The following LRRC4C variants were observed in gnomAD, a reference collection of about 807,000 sequenced individuals.
LRRC4C encodes the protein leucine rich repeat containing 4C.
A neutral mutation model predicts 33.6 loss-of-function variants in LRRC4C; 5 were observed. That is an observed-to-expected ratio of 0.15 (90% CI 0.08 to 0.31). The LOEUF (loss-of-function observed/expected upper bound fraction) is 0.31. LRRC4C is among the 10% of genes least tolerant of loss of function. The probability of loss-of-function intolerance (pLI) is 1.00; values close to 1 mark genes in which losing one functional copy is unlikely to be tolerated. For synonymous variants in LRRC4C, 329 were observed against 302.0 expected (o/e 1.09, Z -0.93); for missense variants, 560 against 796.7 (o/e 0.70, Z 3.58).
At chr11:40,178,301 A>G (rs1860687467) in intron 5 of LRRC4C, among the ~76,000 whole-genome samples, 1 of 152,204 alleles carries the variant, frequency 6.6e-6, no homozygotes, top group Non-Finnish European at 1.5e-5. Flanking sequence ...CTGGGTATTT[A>G]TAGAAGGTAA....
chr11:40,308,200 C>G (rs75257212), intron 4 of LRRC4C, among the ~76,000 whole-genome samples: 1,677 of 152,238 alleles, frequency 0.011, 36 homozygotes, highest in African/African-American at 0.037. Context: ...CTTTCTCCCC[C>G]ACCACACATA....
intron 1 of LRRC4C, among the ~76,000 whole-genome samples, chr11:41,097,632 C>T (rs181619689): frequency 1.2e-3 from 181 of 152,232 alleles, no homozygotes; most frequent in South Asian, 8.3e-4. Flanking sequence ...TTCATCTACC[C>T]TATTGTAAGA....
intron 1 of LRRC4C, among the ~76,000 whole-genome samples, chr11:41,135,764 C>A (rs1399329592): frequency 6.6e-6 from 1 of 152,160 alleles, no homozygotes; most frequent in Non-Finnish European, 1.5e-5. Flanking sequence ...CTTATAATTA[C>A]TGTGTAATGG....
intron 1 of LRRC4C, among the ~76,000 whole-genome samples, chr11:41,011,765 T>G (rs2137538007): frequency 6.7e-6 from 1 of 148,998 alleles, no homozygotes; most frequent in Non-Finnish European, 1.5e-5. Context: ...TGTGGGTCAT[T>G]AATTCCTGAA....
chr11:41,131,336 A>G (rs1943002508), intron 1 of LRRC4C, among the ~76,000 whole-genome samples: 2 of 152,024 alleles, frequency 1.3e-5, no homozygotes, highest in African/African-American at 4.8e-5. Context: ...ATGTACAACT[A>G]CTTTAAACAT....
intron 1 of LRRC4C, among the ~76,000 whole-genome samples, chr11:41,311,191 AT>A (rs779942867): frequency 4.0e-5 from 6 of 151,604 alleles, no homozygotes; most frequent in Middle Eastern, 3.4e-3. Context: ...TTAGAACCAC[AT>A]TTTTTTTTAT....
chr11:40,343,395 C>T, intron 3 of LRRC4C, among the ~76,000 whole-genome samples: 1 of 151,752 alleles, frequency 6.6e-6, no homozygotes. Context: ...GGTAAATATG[C>T]AGGATTGTTT....
intron 1 of LRRC4C, 58 bp downstream of exon 1, chr11:41,459,373 G>A (rs1956267485): frequency 1.3e-5 from 2 of 152,030 alleles, no homozygotes; most frequent in South Asian, 4.2e-4. Flanking sequence ...AAACAAGCAG[G>A]AAAACACAAA....
At chr11:41,174,288 T>C (rs923562545) in intron 1 of LRRC4C, among the ~76,000 whole-genome samples, 2 of 152,056 alleles carry the variant, frequency 1.3e-5, no homozygotes, top group Non-Finnish European at 2.9e-5. Context: ...AGAGAACAGT[T>C]TATCTCTAGC....
At chr11:40,592,081 G>A (rs192667736) in intron 3 of LRRC4C, among the ~76,000 whole-genome samples, 92 of 152,270 alleles carry the variant, frequency 6.0e-4, no homozygotes, top group Non-Finnish European at 1.1e-3. Flanking sequence ...GCTTTTTAAC[G>A]ATATGCAGCA....
chr11:40,661,827 T>C (rs1304377102), intron 2 of LRRC4C, among the ~76,000 whole-genome samples: 7 of 152,214 alleles, frequency 4.6e-5, no homozygotes, highest in Admixed American at 4.6e-4. Context: ...TTCTTTATAG[T>C]CTATGTGTCA....
At chr11:41,414,980 C>A (rs1954623639) in intron 1 of LRRC4C, among the ~76,000 whole-genome samples, 1 of 152,096 alleles carries the variant, frequency 6.6e-6, no homozygotes, top group Non-Finnish European at 1.5e-5. Context: ...CTCTTCAAAG[C>A]ACTTTACAAA....
intron 1 of LRRC4C, among the ~76,000 whole-genome samples, chr11:41,358,355 G>T (rs1952234599): frequency 2.6e-5 from 4 of 152,010 alleles, no homozygotes; most frequent in Admixed American, 2.6e-4. Flanking sequence ...TGAATATTTA[G>T]ATATGACACT....
chr11:40,852,405 T>A (rs1257653204), intron 2 of LRRC4C, among the ~76,000 whole-genome samples: 1 of 152,130 alleles, frequency 6.6e-6, no homozygotes, highest in East Asian at 1.9e-4. Context: ...GATAAGACTT[T>A]ATAATTTTTC....
rs374678317 is a variant in LRRC4C at position 40,255,516 on chromosome 11, C to G, written c.-175-13918G>C. On this transcript the variant is annotated intron_variant, in intron 4 of 6. Coordinates refer to ENST00000528697, the MANE Select transcript of LRRC4C (RefSeq NM_001258419.2). The stretch of plus-strand genomic sequence containing the variant: ...ACTTTATTTATAATTTCTGAGAGAG[C>G]TATTTTTAGAAAATTTTACAGAGTA... Among the ~76,000 whole-genome samples the G allele has an allele frequency of 1.6e-4, 24 of 152,300 alleles. No homozygotes were observed. In the South Asian group the frequency reaches 5.0e-3, roughly 32 times the overall value.
chr11:40,770,535 A>C (rs1380141485), intron 2 of LRRC4C, among the ~76,000 whole-genome samples: 1 of 152,060 alleles, frequency 6.6e-6, no homozygotes, highest in East Asian at 1.9e-4. Context: ...ACACAATTAT[A>C]CCTTCCCAAC....
At chr11:41,121,994 C>G (rs1021476059) in intron 1 of LRRC4C, among the ~76,000 whole-genome samples, 1 of 151,788 alleles carries the variant, frequency 6.6e-6, no homozygotes, top group African/African-American at 2.4e-5. Flanking sequence ...TGATCATAAG[C>G]TGGGATAAAT....
intron 1 of LRRC4C, among the ~76,000 whole-genome samples, chr11:41,241,320 A>C (rs1422227742): frequency 6.6e-6 from 1 of 152,158 alleles, no homozygotes; most frequent in Non-Finnish European, 1.5e-5. Flanking sequence ...ATAACTAACC[A>C]GGTTTTTAGA....
chr11:40,873,902 A>C (rs1023118557), intron 2 of LRRC4C, among the ~76,000 whole-genome samples: 1 of 152,170 alleles, frequency 6.6e-6, no homozygotes, highest in Non-Finnish European at 1.5e-5. Context: ...TACATTTCCC[A>C]TCATTGAATA....
Sources: allele counts gnomAD v4.1 joint callset (sites outside exome capture counted in the v4.1 genomes callset), GRCh38; gene constraint gnomAD v4.1.1; transcripts MANE v1.5; gene names NCBI Gene and HGNC (gene_info 2026-07-23, HGNC 2026-07-21).